FOXP4: variants seen among roughly 807,000 people sequenced by gnomAD.
FOXP4 encodes forkhead box P4.
FOXP4 carries 25 observed loss-of-function variants against 82.6 expected under a neutral mutation model. The ratio of observed to expected loss-of-function variants is 0.30; its 90% CI spans 0.22 to 0.42. FOXP4 has a LOEUF of 0.42. FOXP4 is among the 10% of genes least tolerant of loss of function. The pLI is 1.00. For synonymous variants in FOXP4, 415 were observed against 388.2 expected, an observed-to-expected ratio of 1.07 and a Z score of -0.81; for missense variants, 785 against 900.9, an observed-to-expected ratio of 0.87 and a Z score of 1.65.
At chr6:41,568,770 A>G (rs1432108688) in intron 2 of FOXP4, among the ~76,000 whole-genome samples, 1 of 152,208 alleles carries the variant, frequency 6.6e-6, no homozygotes, top group Non-Finnish European at 1.5e-5. Flanking sequence ...AAGCCCTGGA[A>G]ATGCAATCCT....
At position 41,587,832 on chromosome 6, in the gene FOXP4, C is replaced by T. The variant is rs544742930; in HGVS notation, c.912C>T (p.Tyr304=). The change falls in exon 8 of 17, where the codon TAC becomes TAT. Residue 304 remains tyrosine (Y), a synonymous_variant. Coordinates refer to ENST00000307972, the MANE Select transcript of FOXP4 (RefSeq NM_001012426.2). ...HEETPGSHPL[Y]GHGECKWPGC... ...AGACCCCCGGCTCCCACCCCCTGTACGGACACGGAGAGTGCAAGTGGCCAG... is the reference window on the plus strand; with the variant it reads ...AGACCCCCGGCTCCCACCCCCTGTATGGACACGGAGAGTGCAAGTGGCCAG... 3.6e-5 allele frequency: 57 copies of T among 1,572,010 alleles called. No individual in the cohort carries two copies. The South Asian group carries it at 5.7e-4, about 16-fold the overall frequency.
chr6:41,547,113 C>T (rs1022976913), intron 1 of FOXP4, among the ~76,000 whole-genome samples: 1 of 151,638 alleles, frequency 6.6e-6, no homozygotes, highest in Non-Finnish European at 1.5e-5. Flanking sequence ...CTGGCCCGGG[C>T]CCCAGCGGGC....
intron 2 of FOXP4, chr6:41,570,293 G>A (rs748906202): frequency 7.2e-5 from 34 of 470,264 alleles, no homozygotes; most frequent in Non-Finnish European, 1.2e-4. Context: ...GGGAGAGTTG[G>A]GGCCCGCACT....
chr6:41,546,920 G>C (rs1763657609), intron 1 of FOXP4, 53 bp downstream of exon 1: 1 of 150,916 alleles, frequency 6.6e-6, no homozygotes, highest in African/African-American at 2.4e-5. Flanking sequence ...CGGGCGACCA[G>C]ACCAACTCCC....
rs772276200 is a variant in FOXP4 at position 41,597,876 on chromosome 6, C to T, written c.1821C>T (p.Asp607=). The part of the protein sequence containing the change: ...ASSLLPLSHD[D]VGAPVEPLPS... ...GCCTGCTGCCCCTCAGCCACGATGACGTGGGTGCCCCCGTGGAGCCGCTGC... is the reference window on the plus strand; with the variant it reads ...GCCTGCTGCCCCTCAGCCACGATGATGTGGGTGCCCCCGTGGAGCCGCTGC... The change falls in exon 16 of 17, where the codon GAC becomes GAT. Residue 607 remains aspartate (D), a synonymous_variant. Coordinates refer to ENST00000307972, the MANE Select transcript of FOXP4 (RefSeq NM_001012426.2). 1.5e-5 allele frequency: 24 copies of T among 1,595,798 alleles called. No individual in the cohort carries two copies. The highest frequency in any genetic ancestry group is 3.4e-5 in the South Asian group (3 of 89,040).
At position 41,559,108 on chromosome 6, in the gene FOXP4, T is replaced by A. The variant is rs116058426; in HGVS notation, c.-16-6637T>A. 2.9e-3 allele frequency among the ~76,000 whole-genome samples: 438 copies of A among 152,318 alleles called. 4 individuals carry two copies. The highest frequency in any genetic ancestry group is 0.01 in the African/African-American group (425 of 41,568). On this transcript the variant is annotated intron_variant, in intron 1 of 16. Transcript: ENST00000307972. ...GGCCAGTACCTACTCAGCCTTCATA[T>A]CTAAGCATAAATGCCCTTTCCTGGC...
chr6:41,569,898 AC>A (rs919644244), intron 2 of FOXP4, among the ~76,000 whole-genome samples: 2 of 145,078 alleles, frequency 1.4e-5, no homozygotes, highest in African/African-American at 5.2e-5. Flanking sequence ...CTTTTACCTC[AC>A]CCCCCCTTCA....
chr6:41,586,885 C>CG, intron 5 of FOXP4, 124 bp from the exon 6 acceptor site: 1 of 1,413,834 alleles, frequency 7.1e-7, no homozygotes, highest in South Asian at 1.5e-5. Context: ...CAGCTGCAGA[C>CG]GCCACAACGA....
intron 1 of FOXP4, among the ~76,000 whole-genome samples, chr6:41,547,891 G>A (rs887356443): frequency 2.0e-5 from 3 of 151,950 alleles, no homozygotes; most frequent in Non-Finnish European, 4.4e-5. Flanking sequence ...AAACTTCCTT[G>A]GGCTGCGTCA....
rs1767122683 is a variant in FOXP4, at chr6:41,599,913, A to G, written c.*977A>G. The G allele has an allele frequency of 1.4e-5, 2 of 142,844 alleles. No homozygotes were observed. The highest frequency in any genetic ancestry group is 2.3e-4 in the South Asian group (1 of 4,444). 8.8% of individuals were successfully genotyped at this position (142,844 alleles called of 1,614,324 possible). ...CCGCCTCTCCCCCCGCCGCCCCACCAGTTAAACGGATGACCAAAGACCTTT... is the reference window on the plus strand; with the variant it reads ...CCGCCTCTCCCCCCGCCGCCCCACCGGTTAAACGGATGACCAAAGACCTTT... On this transcript the variant is annotated 3_prime_UTR_variant, in exon 17 of 17. Transcript: ENST00000307972.
chr6:41,573,566 G>A (rs930209369), intron 2 of FOXP4, among the ~76,000 whole-genome samples: 2 of 152,140 alleles, frequency 1.3e-5, no homozygotes, highest in African/African-American at 4.8e-5. Flanking sequence ...AGAGGGTTTG[G>A]TTAGCAAGGC....
chr6:41,563,265 ACT>A (rs1215063619), intron 1 of FOXP4, among the ~76,000 whole-genome samples: 1 of 151,950 alleles, frequency 6.6e-6, no homozygotes, highest in African/African-American at 2.4e-5. Context: ...TCTCCTCCCG[ACT>A]CTGCTTCCAG....
At position 41,587,417 on chromosome 6, in the gene FOXP4, T is replaced by C. The variant is rs1766206366; in HGVS notation, c.777T>C (p.Ala259=). ...ACCTCACTGGCACGGCCGCCACCGC[T>C]ACCTCGTTTGCCGCTCCCCCCAAGG... ...GLDLTGTAAT[A]TSFAAPPKVS... The change falls in exon 7 of 17, where the codon GCT becomes GCC. Residue 259 remains alanine (A), a synonymous_variant. Transcript: ENST00000307972. 5 of 1,582,906 alleles carry C rather than the reference T, an allele frequency of 3.2e-6. No individual in the cohort carries two copies. The highest frequency in any genetic ancestry group is 4.3e-6 in the Non-Finnish European group (5 of 1,164,188).
rs1163922228 is a variant in FOXP4 at position 41,587,811 on chromosome 6, C to T, written c.891C>T (p.Thr297=). The stretch of plus-strand genomic sequence containing the variant: ...CTCCCAGCTCTTCCCACGAGGAGAC[C>T]CCCGGCTCCCACCCCCTGTACGGAC... ...SRRDSSSHEE[T]PGSHPLYGHG... Residue 297 remains threonine, a synonymous_variant, in exon 8 of 17, where the codon ACC becomes ACT. Coordinates refer to ENST00000307972, the MANE Select transcript of FOXP4 (RefSeq NM_001012426.2). The T allele has an allele frequency of 1.5e-5, 24 of 1,566,152 alleles. No homozygotes were observed. Among genetic ancestry groups the T allele is most frequent in the Non-Finnish European group, 2.0e-5 (23 of 1,153,890 alleles).
chr6:41,573,771 C>T (rs939607475), intron 2 of FOXP4, among the ~76,000 whole-genome samples: 2 of 152,094 alleles, frequency 1.3e-5, no homozygotes, highest in African/African-American at 4.8e-5. Flanking sequence ...GAAACGGAGG[C>T]TCAAAGAGAT....
chr6:41,553,326 A>T (rs1319053172), intron 1 of FOXP4, among the ~76,000 whole-genome samples: 1 of 151,762 alleles, frequency 6.6e-6, no homozygotes, highest in Non-Finnish European at 1.5e-5. Context: ...TCTCGTTGGG[A>T]GAGAGAGCTC....
At chr6:41,592,783 C>A (rs1766592883) in intron 13 of FOXP4, among the ~76,000 whole-genome samples, 1 of 152,086 alleles carries the variant, frequency 6.6e-6, no homozygotes, top group Non-Finnish European at 1.5e-5. Context: ...GGTTAGGTGA[C>A]CTGGTTTAGG....
chr6:41,565,359 C>G (rs1427764184), intron 1 of FOXP4, among the ~76,000 whole-genome samples: 1 of 152,048 alleles, frequency 6.6e-6, no homozygotes, highest in East Asian at 1.9e-4. Flanking sequence ...GACTGTGTCT[C>G]AAAAACAAAC....
At chr6:41,589,635 C>T in intron 9 of FOXP4, 136 bp from the exon 10 acceptor site, 3 of 830,130 alleles carry the variant, frequency 3.6e-6, no homozygotes, top group East Asian at 5.3e-5. Context: ...ACAGAGGGAG[C>T]ATGGATGCTG....
Sources: allele counts gnomAD v4.1 joint callset (sites outside exome capture counted in the v4.1 genomes callset), GRCh38; gene constraint gnomAD v4.1.1; transcripts MANE v1.5; gene names NCBI Gene and HGNC (gene_info 2026-07-23, HGNC 2026-07-21).